The following DHX40 variants were observed in gnomAD, a reference collection of about 807,000 sequenced individuals.
The protein encoded by DHX40 is probable ATP-dependent RNA helicase DHX40.
DHX40 carries 28 observed loss-of-function variants against 89.6 expected under a neutral mutation model. The observed-to-expected ratio is 0.31, with a 90% CI of 0.23 to 0.43. The LOEUF (loss-of-function observed/expected upper bound fraction) is 0.43, where lower values mean the gene tolerates loss of function less well. DHX40 is among the 20% of genes least tolerant of loss of function. DHX40 has a pLI of 1.00. For synonymous variants in DHX40, 226 were observed against 283.6 expected (o/e 0.80, Z 2.04); for missense variants, 457 against 844.0 (o/e 0.54, Z 5.68).
intron 3 of DHX40, among the ~76,000 whole-genome samples, chr17:59,571,195 C>T (rs899216496): frequency 2.6e-5 from 4 of 152,092 alleles, no homozygotes; most frequent in Non-Finnish European, 5.9e-5. Flanking sequence ...CGATGGCTCA[C>T]GTCTGTAATC....
At chr17:59,570,456 T>G (rs552864475) in intron 2 of DHX40, 62 bp from the exon 3 acceptor site, 1 of 1,490,630 alleles carries the variant, frequency 6.7e-7, no homozygotes, top group African/African-American at 1.4e-5. Flanking sequence ...CAAAAACAAT[T>G]TAGCTCTAAT....
In DHX40 at chr17:59,566,607, T is replaced by C; in HGVS notation, c.113-20T>C. On this transcript the variant is annotated intron_variant, in intron 1 of 17. Coordinates refer to ENST00000251241, the MANE Select transcript of DHX40 (RefSeq NM_024612.5). The stretch of plus-strand genomic sequence containing the variant: ...TATCTTTACAAGTCTTTTAATTGAC[T>C]TGTTTTTCTGTTATTACAGAAGAGA... 6.4e-7 allele frequency: 1 copy of C among 1,562,836 alleles called. No homozygotes were observed. The highest frequency in any genetic ancestry group is 8.6e-7 in the Non-Finnish European group (1 of 1,164,078).
chr17:59,605,708 A>G (rs781693293), intron 17 of DHX40, 34 bp downstream of exon 17: 8 of 1,566,668 alleles, frequency 5.1e-6, no homozygotes, highest in Non-Finnish European at 7.0e-6. Flanking sequence ...CTTAACCACT[A>G]TGCCATACTG....
In DHX40 at chr17:59,607,156, G is replaced by GA; in HGVS notation, c.2327dup (p.Glu777GlyfsTer7). On this transcript the variant is annotated frameshift_variant, in exon 18 of 18. Coordinates refer to ENST00000251241, the MANE Select transcript of DHX40 (RefSeq NM_024612.5). LOFTEE classifies it high-confidence loss of function. ...AGGACCCAGGACCACAGTGACACAC[G>GA]AAAGGAAACAGGCTAAGGTGGTGAA... 6.2e-7 allele frequency: 1 copy of GA among 1,614,172 alleles called. No individual in the cohort carries two copies. The highest frequency in any genetic ancestry group is 8.5e-7 in the Non-Finnish European group (1 of 1,180,026).
At chr17:59,577,921 C>T (rs2048907890) in intron 8 of DHX40, among the ~76,000 whole-genome samples, 1 of 152,196 alleles carries the variant, frequency 6.6e-6, no homozygotes, top group African/African-American at 2.4e-5. Flanking sequence ...TGCAGCCTCA[C>T]TCGGTAGAGT....
At chr17:59,572,714 G>A (rs1471252346) in intron 3 of DHX40, among the ~76,000 whole-genome samples, 1 of 152,168 alleles carries the variant, frequency 6.6e-6, no homozygotes, top group Non-Finnish European at 1.5e-5. Context: ...AGAGGAGAGA[G>A]TGGGTGGAAA....
Position 59,605,826 on chromosome 17 carries a change from A to G in DHX40, c.2200+152A>G, listed in dbSNP as rs1165790966. ...AAATAAAAATAAAAATTAGCCAGGC[A>G]TGTTGGTGTGCACCTGTAGTCCCAG... On this transcript the variant is annotated intron_variant, in intron 17 of 17. Transcript: ENST00000251241. The G allele has an allele frequency of 2.8e-5, 22 of 779,378 alleles. No homozygotes were observed. The Admixed American group carries it at 3.6e-4, about 13-fold the overall frequency. 48.3% of individuals were successfully genotyped at this position (779,378 alleles called of 1,614,324 possible).
At chr17:59,601,735 C>T (rs2143359060) in intron 14 of DHX40, among the ~76,000 whole-genome samples, 1 of 152,186 alleles carries the variant, frequency 6.6e-6, no homozygotes, top group South Asian at 2.1e-4. Context: ...GTGAATTTCA[C>T]CTTGTTGGGT....
chr17:59,586,699 A>G (rs995002225), intron 11 of DHX40, among the ~76,000 whole-genome samples: 2 of 151,888 alleles, frequency 1.3e-5, no homozygotes, highest in Admixed American at 6.6e-5. Context: ...ACTGCACGGT[A>G]TAATCCCTTT....
chr17:59,565,619 C>T lies in DHX40; in HGVS notation c.-53C>T, dbSNP rs190424156. 7.4e-5 allele frequency: 113 copies of T among 1,519,338 alleles called. No individual in the cohort carries two copies. Among genetic ancestry groups the T allele is most frequent in the Non-Finnish European group, 9.0e-5 (101 of 1,123,720 alleles). 94.1% of individuals were successfully genotyped at this position (1,519,338 alleles called of 1,614,324 possible). On this transcript the variant is annotated 5_prime_UTR_variant, in exon 1 of 18. Transcript: ENST00000251241. The stretch of plus-strand genomic sequence containing the variant: ...ATCAGGGCGCGTCCTCGTCTTTCCC[C>T]TCCCATCTCCTCAGATCGGTGGACG...
chr17:59,600,902 A>G (rs1273722217), intron 14 of DHX40, among the ~76,000 whole-genome samples: 1 of 145,544 alleles, frequency 6.9e-6, no homozygotes, highest in Non-Finnish European at 1.5e-5. Context: ...AGGTCACTGC[A>G]CACTTAAAAC....
At chr17:59,605,784 A>C (rs1213012743) in intron 17 of DHX40, 110 bp downstream of exon 17, 1 of 1,007,634 alleles carries the variant, frequency 9.9e-7, no homozygotes, top group East Asian at 2.6e-5. Context: ...CAATGTGGTG[A>C]GATCCCATCT....
At chr17:59,591,117 T>A (rs1218115670) in intron 12 of DHX40, among the ~76,000 whole-genome samples, 2 of 151,648 alleles carry the variant, frequency 1.3e-5, no homozygotes, top group African/African-American at 2.4e-5. Flanking sequence ...AAGACCAGCC[T>A]GGCCGACATG....
At chr17:59,585,813 T>TTCTC (rs2048986723) in intron 10 of DHX40, among the ~76,000 whole-genome samples, 1 of 127,418 alleles carries the variant, frequency 7.8e-6, no homozygotes, top group African/African-American at 3.7e-5. Context: ...TCTACTATTT[T>TTCTC]TATAAAAGTT....
chr17:59,569,723 A>G lies in DHX40; in HGVS notation c.281-795A>G, dbSNP rs559243290. On this transcript the variant is annotated intron_variant, in intron 2 of 17. Transcript: ENST00000251241. ...AATATATATATATCTATATATATAT[A>G]TAGATATATATATAATTTTTTCTTT... Among the ~76,000 whole-genome samples, 3 of 143,736 alleles carry G rather than the reference A, an allele frequency of 2.1e-5. No homozygotes were observed. The South Asian group carries it at 6.3e-4, about 30-fold the overall frequency. The allele number at this position is 143,736 out of a possible 152,430, so 94.3% of individuals were successfully genotyped here.
At chr17:59,604,766 T>G (rs116189466) in intron 15 of DHX40, 81 of 210,300 alleles carry the variant, frequency 3.9e-4, no homozygotes, top group African/African-American at 1.7e-3. Flanking sequence ...TTACCATGCG[T>G]TAGCGCTGGT....
rs1385509543 is a variant in DHX40, at chr17:59,573,408, C to T, written c.546+173C>T. On this transcript the variant is annotated intron_variant, in intron 4 of 17. Transcript: ENST00000251241. The stretch of plus-strand genomic sequence containing the variant: ...GCAGTGGCACGATCATAGCTCACTG[C>T]ACCCTTGAACTCCTGGGCTCAAGTG... Among the ~76,000 whole-genome samples, 7 of 152,268 alleles carry T rather than the reference C, an allele frequency of 4.6e-5. No individual in the cohort carries two copies. In the East Asian group the frequency reaches 1.4e-3, roughly 29 times the overall value.
chr17:59,580,968 G>C (rs1209282053), intron 10 of DHX40, among the ~76,000 whole-genome samples: 1 of 150,258 alleles, frequency 6.7e-6, no homozygotes, highest in African/African-American at 2.5e-5. Flanking sequence ...TGTAGTCCCA[G>C]CTACTCCGGA....
chr17:59,569,701 ATATATATATC>A (rs999079896), intron 2 of DHX40, among the ~76,000 whole-genome samples: 1 of 142,084 alleles, frequency 7.0e-6, no homozygotes, highest in African/African-American at 2.7e-5. Context: ...AGAAAAAAAT[ATATATATATC>A]TATATATATA....
Sources: gnomAD v4.1 joint callset for allele counts (sites outside exome capture counted in the v4.1 genomes callset) on GRCh38, gnomAD v4.1.1 for gene constraint, MANE v1.5 for transcripts, NCBI Gene and HGNC (gene_info 2026-07-23, HGNC 2026-07-21) for gene names.